The following GPR158 variants were observed in gnomAD, a reference collection of about 807,000 sequenced individuals.
The protein encoded by GPR158 is metabotropic glycine receptor.
Under a neutral mutation model 78.2 loss-of-function variants are expected in GPR158, and 30 were observed. The ratio of observed to expected loss-of-function variants is 0.38; its 90% CI spans 0.29 to 0.52. GPR158 has a LOEUF of 0.52. Among genes scored for constraint, GPR158 ranks in the 20% least tolerant of loss-of-function variants. The probability of loss-of-function intolerance (pLI) is 0.83; values close to 1 mark genes in which losing one functional copy is unlikely to be tolerated. For synonymous variants in GPR158, 581 were observed against 591.1 expected (o/e 0.98, Z 0.25); for missense variants, 1,463 against 1,523.5 (o/e 0.96, Z 0.66).
intron 2 of GPR158, among the ~76,000 whole-genome samples, chr10:25,305,455 A>G (rs1464469014): frequency 6.6e-6 from 1 of 152,202 alleles, no homozygotes; most frequent in Admixed American, 6.6e-5. Flanking sequence ...GATAATTACA[A>G]TAGTTATAAG....
rs1554787262 is a variant in GPR158 at position 25,241,341 on chromosome 10, C to CTCTTT, written c.1008+20188_1008+20192dup. Among the ~76,000 whole-genome samples the CTCTTT allele has an allele frequency of 8.3e-3, 896 of 108,596 alleles. 8 individuals are homozygous for CTCTTT. Among genetic ancestry groups the CTCTTT allele is most frequent in the African/African-American group, 0.011 (274 of 24,016 alleles). 71.2% of individuals were successfully genotyped at this position (108,596 alleles called of 152,430 possible). On this transcript the variant is annotated intron_variant, in intron 2 of 10. Transcript: ENST00000376351. Reference sequence around the variant, plus strand: ...CTTCTCTTCTCTTCTCTTCTCTTTTCTCTTTTCTCTTTTCTTTTCTCTTTT... The same window carrying CTCTTT: ...CTTCTCTTCTCTTCTCTTCTCTTTTCTCTTTTCTTTTCTCTTTTCTTTTCTCTTTT...
At chr10:25,203,239 C>A (rs1048411568) in intron 1 of GPR158, among the ~76,000 whole-genome samples, 5 of 152,164 alleles carry the variant, frequency 3.3e-5, no homozygotes, top group African/African-American at 1.2e-4. Flanking sequence ...TTTTGCTGTG[C>A]AGAAGCTCTT....
At chr10:25,242,823 G>T (rs1361492932) in intron 2 of GPR158, among the ~76,000 whole-genome samples, 1 of 152,126 alleles carries the variant, frequency 6.6e-6, no homozygotes, top group Non-Finnish European at 1.5e-5. Flanking sequence ...CATGTGGTCA[G>T]TTTTAAGGTT....
At chr10:25,242,604 T>A (rs1853641439) in intron 2 of GPR158, among the ~76,000 whole-genome samples, 2 of 152,252 alleles carry the variant, frequency 1.3e-5, no homozygotes, top group Non-Finnish European at 1.5e-5. Flanking sequence ...TTGGCCATTC[T>A]CTCTCTTCAG....
chr10:25,510,292 T>C (rs952046725), intron 5 of GPR158, among the ~76,000 whole-genome samples: 5 of 152,172 alleles, frequency 3.3e-5, no homozygotes, highest in African/African-American at 1.2e-4. Context: ...CTTTATTTGA[T>C]AAAATAGTTC....
At chr10:25,340,106 A>G (rs958327607) in intron 2 of GPR158, among the ~76,000 whole-genome samples, 3 of 151,508 alleles carry the variant, frequency 2.0e-5, no homozygotes, top group Non-Finnish European at 4.4e-5. Context: ...TCTTCAAGGG[A>G]AAAAAAAATC....
chr10:25,376,873 C>T (rs908533368), intron 2 of GPR158, among the ~76,000 whole-genome samples: 2 of 151,170 alleles, frequency 1.3e-5, no homozygotes, highest in African/African-American at 2.4e-5. Flanking sequence ...TTTTATGTTG[C>T]TCCTTTGATT....
intron 2 of GPR158, among the ~76,000 whole-genome samples, chr10:25,303,500 A>G (rs184853911): frequency 2.0e-5 from 3 of 152,354 alleles, no homozygotes; most frequent in Admixed American, 2.0e-4. Flanking sequence ...AAAGCTGGGA[A>G]GGAAAATAAA....
chr10:25,504,005 C>G (rs1835978744), intron 5 of GPR158, among the ~76,000 whole-genome samples: 1 of 151,798 alleles, frequency 6.6e-6, no homozygotes, highest in African/African-American at 2.4e-5. Flanking sequence ...ATTCTCGTGC[C>G]TCAGCCTCCC....
intron 2 of GPR158, among the ~76,000 whole-genome samples, chr10:25,360,046 C>G (rs1333249168): frequency 1.3e-5 from 2 of 152,136 alleles, no homozygotes; most frequent in Non-Finnish European, 2.9e-5. Flanking sequence ...TTGTTGGCTG[C>G]ATAAATGTCT....
chr10:25,479,400 G>T (rs996698141), intron 5 of GPR158, among the ~76,000 whole-genome samples: 1 of 151,924 alleles, frequency 6.6e-6, no homozygotes, highest in African/African-American at 2.4e-5. Flanking sequence ...CTTGATTTCT[G>T]TCTCCTGTAG....
At chr10:25,536,531 T>C (rs1478313579) in intron 5 of GPR158, among the ~76,000 whole-genome samples, 1 of 152,258 alleles carries the variant, frequency 6.6e-6, no homozygotes, top group East Asian at 1.9e-4. Flanking sequence ...TGTACTGTTT[T>C]TGTCCTTTAT....
At chr10:25,450,605 T>G (rs1424045476) in intron 4 of GPR158, among the ~76,000 whole-genome samples, 3 of 152,190 alleles carry the variant, frequency 2.0e-5, no homozygotes, top group African/African-American at 7.2e-5. Flanking sequence ...ATCTCTACTC[T>G]TGATTCTGGT....
chr10:25,528,556 AATAC>A (rs1458530759), intron 5 of GPR158, among the ~76,000 whole-genome samples: 6 of 152,180 alleles, frequency 3.9e-5, no homozygotes, highest in Non-Finnish European at 7.4e-5. Flanking sequence ...AAAAGCACTA[AATAC>A]ATACAAGTAG....
In GPR158 at chr10:25,353,686, T is replaced by C. The variant is rs72796140; in HGVS notation, c.1009-42225T>C. On this transcript the variant is annotated intron_variant, in intron 2 of 10. Transcript: ENST00000376351. The stretch of plus-strand genomic sequence containing the variant: ...AAACAGTGATTTACCAGTGTTCACT[T>C]TTTAGGTTTCAAATTTTATGGAATA... Among the ~76,000 whole-genome samples, 914 of 152,178 alleles carry C rather than the reference T, an allele frequency of 6.0e-3. 5 individuals carry two copies. Among genetic ancestry groups the C allele is most frequent in the Non-Finnish European group, 9.6e-3 (655 of 67,962 alleles).
intron 2 of GPR158, among the ~76,000 whole-genome samples, chr10:25,348,355 T>C (rs568698460): frequency 3.3e-5 from 5 of 149,752 alleles, no homozygotes; most frequent in Non-Finnish European, 7.4e-5. Flanking sequence ...TTCATACTGT[T>C]AGTACAAAAT....
chr10:25,357,320 A>C (rs1253594462), intron 2 of GPR158, among the ~76,000 whole-genome samples: 1 of 152,162 alleles, frequency 6.6e-6, no homozygotes, highest in Non-Finnish European at 1.5e-5. Flanking sequence ...AGCTGGCTGT[A>C]GAAATTTGCA....
intron 2 of GPR158, among the ~76,000 whole-genome samples, chr10:25,390,999 GT>G (rs1488797962): frequency 2.0e-5 from 3 of 152,206 alleles, no homozygotes; most frequent in African/African-American, 7.2e-5. Flanking sequence ...AGGGGCCAAG[GT>G]ACAGCTCAGA....
chr10:25,529,324 T>C (rs1588900024), intron 5 of GPR158, among the ~76,000 whole-genome samples: 1 of 151,552 alleles, frequency 6.6e-6, no homozygotes, highest in East Asian at 1.9e-4. Context: ...GAGGCGGAGG[T>C]AGCAGTAAGC....
Sources: allele counts gnomAD v4.1 joint callset (sites outside exome capture counted in the v4.1 genomes callset), GRCh38; gene constraint gnomAD v4.1.1; transcripts MANE v1.5; gene names NCBI Gene and HGNC (gene_info 2026-07-23, HGNC 2026-07-21).